The following EEF1AKMT2 variants were observed in gnomAD, a reference collection of about 807,000 sequenced individuals.
EEF1AKMT2 encodes the protein eukaryotic translation elongation factor 1 alpha lysine methyltransferase 2.
EEF1AKMT2 carries 32 observed loss-of-function variants against 35.8 expected under a neutral mutation model. The observed-to-expected ratio is 0.89, with a 90% CI of 0.67 to 1.20. The LOEUF (loss-of-function observed/expected upper bound fraction) is 1.20, where lower values mean the gene tolerates loss of function less well. Among genes scored for constraint, EEF1AKMT2 ranks in the 50% most tolerant of loss-of-function variants. The pLI, the probability that EEF1AKMT2 is intolerant of heterozygous loss-of-function variation, is 0.00. For synonymous variants in EEF1AKMT2, 121 were observed against 133.7 expected (o/e 0.91, Z 0.65); for missense variants, 330 against 347.5 (o/e 0.95, Z 0.40).
chr10:124,777,288 A>G (rs1432914960), intron 3 of EEF1AKMT2, among the ~76,000 whole-genome samples: 4 of 152,022 alleles, frequency 2.6e-5, no homozygotes, highest in Non-Finnish European at 1.5e-5. Context: ...TCAAAAAAAA[A>G]AAAAAAAAGA....
At chr10:124,769,895 G>A (rs990888761) in intron 4 of EEF1AKMT2, among the ~76,000 whole-genome samples, 3 of 122,476 alleles carry the variant, frequency 2.4e-5, no homozygotes, top group East Asian at 2.7e-4. Flanking sequence ...GTGGTGAGCC[G>A]AGATCACACC....
chr10:124,763,320 A>G (rs934244252), intron 5 of EEF1AKMT2, among the ~76,000 whole-genome samples: 2 of 152,236 alleles, frequency 1.3e-5, no homozygotes, highest in African/African-American at 4.8e-5. Context: ...GTATCATGGA[A>G]AAAATGCAAG....
intron 6 of EEF1AKMT2, among the ~76,000 whole-genome samples, chr10:124,762,020 G>A (rs1377274097): frequency 6.6e-6 from 1 of 152,142 alleles, no homozygotes; most frequent in Non-Finnish European, 1.5e-5. Flanking sequence ...TTGAGGCAGG[G>A]GTGGGGTTCT....
chr10:124,783,525 A>G (rs1018260008), intron 3 of EEF1AKMT2, among the ~76,000 whole-genome samples: 1 of 152,362 alleles, frequency 6.6e-6, no homozygotes, highest in African/African-American at 2.4e-5. Context: ...ATGGTCCAGC[A>G]GCTCCTTAAA....
intron 1 of EEF1AKMT2, among the ~76,000 whole-genome samples, chr10:124,791,434 T>G (rs1950633579): frequency 6.6e-6 from 1 of 151,974 alleles, no homozygotes; most frequent in Non-Finnish European, 1.5e-5. Context: ...CCCCCAAGCC[T>G]GGCCCTCAGG....
intron 5 of EEF1AKMT2, among the ~76,000 whole-genome samples, chr10:124,764,459 C>T (rs909618865): frequency 6.6e-6 from 1 of 152,136 alleles, no homozygotes; most frequent in Non-Finnish European, 1.5e-5. Flanking sequence ...AACAGTCTGC[C>T]AGAGAACTCA....
In EEF1AKMT2 at chr10:124,782,877, T is replaced by A. The variant is rs952323358; in HGVS notation, c.291+6166A>T. ...AAATGTAGACCTAAATCCAAACGTA[T>A]CAATAATCACATTGAACATAAATGT... On this transcript the variant is annotated intron_variant, in intron 3 of 6. Transcript: ENST00000368836. 4 of 309,396 alleles carry A rather than the reference T, an allele frequency of 1.3e-5. No individual in the cohort carries two copies. The Admixed American group carries it at 1.7e-4, about 13-fold the overall frequency. 19.2% of individuals were successfully genotyped at this position (309,396 alleles called of 1,614,324 possible).
At chr10:124,769,986 A>G (rs575060503) in intron 4 of EEF1AKMT2, among the ~76,000 whole-genome samples, 1 of 151,262 alleles carries the variant, frequency 6.6e-6, no homozygotes, top group Admixed American at 6.6e-5. Context: ...GTGCCTTAAA[A>G]AATACTTTAT....
chr10:124,779,468 T>C (rs932814003), intron 3 of EEF1AKMT2, among the ~76,000 whole-genome samples: 2 of 143,454 alleles, frequency 1.4e-5, no homozygotes, highest in East Asian at 2.5e-4. Context: ...GAATAGTGGC[T>C]GGGCGCAGTG....
At position 124,781,070 on chromosome 10, in the gene EEF1AKMT2, T is replaced by C. The variant is rs1012461208; in HGVS notation, c.292-6288A>G. ...AAGCTATTCCCCTGCCTCAGTCTCC[T>C]GAGTAGCTGGGACTACAAGGGCATG... On this transcript the variant is annotated intron_variant, in intron 3 of 6. Transcript: ENST00000368836. Among the ~76,000 whole-genome samples the C allele has an allele frequency of 4.6e-5, 7 of 151,796 alleles. No individual in the cohort carries two copies. The South Asian group carries it at 8.3e-4, about 18-fold the overall frequency.
chr10:124,789,490 G>A (rs1375918158), intron 2 of EEF1AKMT2, among the ~76,000 whole-genome samples: 1 of 152,148 alleles, frequency 6.6e-6, no homozygotes, highest in Non-Finnish European at 1.5e-5. Flanking sequence ...TTAAAAGAGG[G>A]CTCACACCCA....
intron 3 of EEF1AKMT2, among the ~76,000 whole-genome samples, chr10:124,779,747 C>CAAA (rs34475748): frequency 3.5e-4 from 10 of 28,174 alleles, no homozygotes; most frequent in Admixed American, 7.4e-4. Flanking sequence ...GACTCCATCT[C>CAAA]AAAAAAAAAA....
At chr10:124,778,444 C>T (rs1950507570) in intron 3 of EEF1AKMT2, among the ~76,000 whole-genome samples, 1 of 152,070 alleles carries the variant, frequency 6.6e-6, no homozygotes, top group African/African-American at 2.4e-5. Context: ...GAAAAATCAG[C>T]TCAGCATGGT....
At chr10:124,780,151 A>G (rs1338483757) in intron 3 of EEF1AKMT2, among the ~76,000 whole-genome samples, 1 of 152,200 alleles carries the variant, frequency 6.6e-6, no homozygotes, top group Non-Finnish European at 1.5e-5. Flanking sequence ...CAACTCTACC[A>G]ATGCAACACT....
intron 4 of EEF1AKMT2, among the ~76,000 whole-genome samples, chr10:124,767,728 A>G (rs1348731487): frequency 4.6e-5 from 7 of 152,084 alleles, no homozygotes; most frequent in African/African-American, 1.4e-4. Context: ...GCTCACACCT[A>G]TAATCCCAAC....
chr10:124,768,024 A>C (rs1204998633), intron 4 of EEF1AKMT2, among the ~76,000 whole-genome samples: 2 of 152,142 alleles, frequency 1.3e-5, no homozygotes, highest in African/African-American at 4.8e-5. Flanking sequence ...AGTTTTCTCT[A>C]AGGTGTTATT....
At chr10:124,780,269 C>T (rs892101321) in intron 3 of EEF1AKMT2, among the ~76,000 whole-genome samples, 4 of 152,112 alleles carry the variant, frequency 2.6e-5, no homozygotes, top group African/African-American at 9.7e-5. Context: ...GGTTTGCTGA[C>T]CCTTAATTTA....
chr10:124,779,746 T>TAAAAA lies in EEF1AKMT2; in HGVS notation c.292-4965_292-4964insTTTTT, dbSNP rs1950523092. Among the ~76,000 whole-genome samples the TAAAAA allele has an allele frequency of 4.5e-4, 4 of 8,964 alleles. 1 individual carries two copies. Among genetic ancestry groups the TAAAAA allele is most frequent in the Admixed American group, 2.8e-3 (1 of 352 alleles). 5.9% of individuals were successfully genotyped at this position (8,964 alleles called of 152,430 possible). A position where few individuals can be genotyped will look rare whatever the true frequency, so the allele number is the denominator to read the frequency against. On this transcript the variant is annotated intron_variant, in intron 3 of 6. Transcript: ENST00000368836. ...CTGGGCGACAGAGCGAGACTCCATC[T>TAAAAA]CAAAAAAAAAAAAAAAAAAAAAAAG...
chr10:124,781,648 T>C (rs933864382), intron 3 of EEF1AKMT2, among the ~76,000 whole-genome samples: 36 of 110,314 alleles, frequency 3.3e-4, no homozygotes, highest in African/African-American at 1.1e-3. Context: ...TCCTTAGGAA[T>C]GAAGGTGAAA....
Sources: allele counts gnomAD v4.1 joint callset (sites outside exome capture counted in the v4.1 genomes callset), GRCh38; gene constraint gnomAD v4.1.1; transcripts MANE v1.5; gene names NCBI Gene and HGNC (gene_info 2026-07-23, HGNC 2026-07-21).